Variants in TRIP4 observed in about 807,000 individuals in gnomAD.
TRIP4 encodes the protein activating signal cointegrator 1.
A neutral mutation model predicts 81.8 loss-of-function variants in TRIP4; 54 were observed. That is an observed-to-expected ratio of 0.66 (90% CI 0.53 to 0.83). TRIP4 has a LOEUF of 0.83. Ranked by LOEUF, TRIP4 falls within the 40% of genes least tolerant of loss-of-function variation. The pLI, the probability that TRIP4 is intolerant of heterozygous loss-of-function variation, is 0.00. For missense variants in TRIP4, 662 were observed against 683.6 expected (o/e 0.97, Z 0.35); for synonymous variants, 270 against 242.8 (o/e 1.11, Z -1.04).
At chr15:64,427,260 G>A (rs1215970710) in intron 11 of TRIP4, among the ~76,000 whole-genome samples, 3 of 152,094 alleles carry the variant, frequency 2.0e-5, no homozygotes, top group Non-Finnish European at 1.5e-5. Context: ...AAGAAAAAGA[G>A]CTTCAGTTTC....
intron 4 of TRIP4, among the ~76,000 whole-genome samples, chr15:64,398,035 G>C (rs962542210): frequency 6.6e-6 from 1 of 151,926 alleles, no homozygotes; most frequent in Non-Finnish European, 1.5e-5. Flanking sequence ...CGAGCAGCTG[G>C]AACTACAGGT....
At position 64,431,831 on chromosome 15, in the gene TRIP4, T is replaced by TTATATA. The variant is rs1223726422; in HGVS notation, c.1575+6212_1575+6217dup. 4.1e-3 allele frequency among the ~76,000 whole-genome samples: 175 copies of TTATATA among 42,428 alleles called. 1 individual carries two copies. The East Asian group carries it at 0.12, about 28-fold the overall frequency. 27.8% of individuals were successfully genotyped at this position (42,428 alleles called of 152,430 possible). On this transcript the variant is annotated intron_variant, in intron 11 of 12. Coordinates refer to ENST00000261884, the MANE Select transcript of TRIP4 (RefSeq NM_016213.5). The stretch of plus-strand genomic sequence containing the variant: ...TAAATGGTTTCAGAAACCATTTATA[T>TTATATA]TATATATATATATATATTTTTTTTA...
intron 1 of TRIP4, among the ~76,000 whole-genome samples, chr15:64,390,050 A>T: frequency 6.8e-6 from 1 of 146,734 alleles, no homozygotes; most frequent in South Asian, 2.2e-4. Context: ...TAAATATCAA[A>T]TATATTAAAT....
At chr15:64,408,778 C>T (rs1891692117) in intron 6 of TRIP4, among the ~76,000 whole-genome samples, 1 of 152,060 alleles carries the variant, frequency 6.6e-6, no homozygotes, top group Admixed American at 6.6e-5. Flanking sequence ...AGATTCCTTC[C>T]AGGTTTTAGT....
Position 64,387,888 on chromosome 15 carries a change from G to T in TRIP4, c.25G>T (p.Gly9Trp). 1 of 1,548,620 alleles carries T rather than the reference G, an allele frequency of 6.5e-7. No individual in the cohort carries two copies. Among genetic ancestry groups the T allele is most frequent in the Non-Finnish European group, 8.7e-7 (1 of 1,146,848 alleles). The change falls in exon 1 of 13, where the codon GGG (glycine) becomes TGG (tryptophan). Residue 9 changes from glycine (G) to tryptophan (W), a missense_variant. By Grantham distance (184) the Gly-to-Trp change is radical. Transcript: ENST00000261884. MAVAGAVS[G>W]EPLVHWCTQQ... ...GATGGCGGTGGCTGGGGCGGTGTCC[G>T]GGGAGCCGCTGGTGCACTGGTGCAC...
intron 8 of TRIP4, 42 bp downstream of exon 8, chr15:64,414,253 C>T: frequency 1.9e-6 from 3 of 1,608,502 alleles, no homozygotes; most frequent in South Asian, 1.1e-5. Context: ...GAAGTTTGGC[C>T]CCAATTTTGC....
chr15:64,454,229 G>C lies in TRIP4; in HGVS notation c.1679-768G>C, dbSNP rs1661418450. Among the ~76,000 whole-genome samples, 3 of 151,342 alleles carry C rather than the reference G, an allele frequency of 2.0e-5. No homozygotes were observed. In the Admixed American group the frequency reaches 2.0e-4, roughly 10 times the overall value. On this transcript the variant is annotated intron_variant, in intron 12 of 12. Transcript: ENST00000261884. The stretch of plus-strand genomic sequence containing the variant: ...TAGATGAGACTTTTTGTGGGAGAAA[G>C]CAAACTGCCAAACTGTTCTCAGGCC...
chr15:64,401,069 C>G (rs1891490543), intron 5 of TRIP4, among the ~76,000 whole-genome samples: 1 of 151,924 alleles, frequency 6.6e-6, no homozygotes, highest in African/African-American at 2.4e-5. Context: ...TCAAGTGATT[C>G]TCCTGCCTCA....
intron 5 of TRIP4, among the ~76,000 whole-genome samples, chr15:64,404,197 A>C (rs1193971848): frequency 6.6e-6 from 1 of 152,244 alleles, no homozygotes; most frequent in Non-Finnish European, 1.5e-5. Flanking sequence ...TCTCAAAAAA[A>C]AAAAATCATA....
chr15:64,426,445 G>T (rs1351303347), intron 11 of TRIP4, among the ~76,000 whole-genome samples: 1 of 152,072 alleles, frequency 6.6e-6, no homozygotes, highest in Non-Finnish European at 1.5e-5. Flanking sequence ...TACACCTGCA[G>T]TCCCAGCACT....
At chr15:64,440,779 T>G (rs1892498998) in intron 11 of TRIP4, among the ~76,000 whole-genome samples, 1 of 152,180 alleles carries the variant, frequency 6.6e-6, no homozygotes, top group South Asian at 2.1e-4. Context: ...TTCCCACTAT[T>G]TAACATTTTC....
chr15:64,387,865 TGGCGGTGGCTGG>T lies in TRIP4; in HGVS notation c.10_21del (p.AlaGlyAlaVal4_?7), dbSNP rs1566969496. The T allele has an allele frequency of 3.2e-6, 5 of 1,545,256 alleles. No individual in the cohort carries two copies. The highest frequency in any genetic ancestry group is 4.4e-6 in the Non-Finnish European group (5 of 1,146,556). ...CTCAGCTGGTTCCGGCTGGGGAAGA[TGGCGGTGGCTGG>T]GGCGGTGTCCGGGGAGCCGCTGGTG... On this transcript the variant is annotated start_lost and inframe_deletion, in exon 1 of 13. Transcript: ENST00000261884.
intron 11 of TRIP4, among the ~76,000 whole-genome samples, chr15:64,433,085 A>G (rs1892313399): frequency 6.6e-6 from 1 of 152,170 alleles, no homozygotes; most frequent in East Asian, 1.9e-4. Flanking sequence ...ATATAAAATA[A>G]AAAGTGAACC....
intron 11 of TRIP4, among the ~76,000 whole-genome samples, chr15:64,435,525 C>CAAAAAA (rs35102130): frequency 2.8e-5 from 3 of 108,314 alleles, no homozygotes; most frequent in Admixed American, 9.8e-5. Flanking sequence ...GACTCTGTCT[C>CAAAAAA]AAAAAAAAAA....
chr15:64,449,080 C>T (rs578045385), intron 12 of TRIP4, among the ~76,000 whole-genome samples: 3 of 151,824 alleles, frequency 2.0e-5, no homozygotes, highest in Non-Finnish European at 2.9e-5. Flanking sequence ...AGTGTGGTGG[C>T]GTGTGCCTAT....
At chr15:64,404,023 C>G (rs1432415404) in intron 5 of TRIP4, among the ~76,000 whole-genome samples, 1 of 151,918 alleles carries the variant, frequency 6.6e-6, no homozygotes, top group Non-Finnish European at 1.5e-5. Flanking sequence ...GAAACCCCGT[C>G]TCTACCAAAA....
At chr15:64,414,055 T>C in intron 7 of TRIP4, 30 bp from the exon 8 acceptor site, 7 of 1,610,764 alleles carry the variant, frequency 4.3e-6, no homozygotes, top group Non-Finnish European at 5.9e-6. Flanking sequence ...ACATTACCAA[T>C]TGTTGCATCC....
chr15:64,419,571 G>A (rs951014539), intron 9 of TRIP4, among the ~76,000 whole-genome samples: 1 of 151,778 alleles, frequency 6.6e-6, no homozygotes, highest in Admixed American at 6.6e-5. Flanking sequence ...TGTTAGCCAG[G>A]CTGGTCTCGA....
chr15:64,392,822 C>T (rs1057150934), intron 1 of TRIP4, among the ~76,000 whole-genome samples: 6 of 152,030 alleles, frequency 3.9e-5, no homozygotes, highest in African/African-American at 1.4e-4. Flanking sequence ...CCTATGTTGC[C>T]CAGGCTGGTC....
Sources: gnomAD v4.1 joint callset for allele counts (sites outside exome capture counted in the v4.1 genomes callset) on GRCh38, gnomAD v4.1.1 for gene constraint, MANE v1.5 for transcripts, NCBI Gene and HGNC (gene_info 2026-07-23, HGNC 2026-07-21) for gene names.